CENPW: variants seen among roughly 807,000 people sequenced by gnomAD.
CENPW encodes the protein centromere protein W.
Under a neutral mutation model 11.1 loss-of-function variants are expected in CENPW, and 3 were observed. The observed-to-expected ratio is 0.27, with a 90% CI of 0.12 to 0.70. The LOEUF is 0.70. Ranked by LOEUF, CENPW falls within the 30% of genes least tolerant of loss-of-function variation. CENPW has a pLI of 0.77. For missense variants in CENPW, 100 were observed against 105.6 expected (o/e 0.95, Z 0.23); for synonymous variants, 38 against 42.0 (o/e 0.91, Z 0.37).
the CENPW span, among the ~76,000 whole-genome samples, chr6:126,385,225 CT>C: frequency 6.6e-6 from 1 of 152,106 alleles, no homozygotes; most frequent in Non-Finnish European, 1.5e-5. Context: ...AAAAACAGAA[CT>C]ACCATTCAAC....
the CENPW span, among the ~76,000 whole-genome samples, chr6:126,418,665 A>G: frequency 6.6e-6 from 1 of 152,114 alleles, no homozygotes. Flanking sequence ...AGATAAAGTT[A>G]TGGCAACTCC....
At chr6:126,434,332 T>C in the CENPW span, among the ~76,000 whole-genome samples, 8 of 152,086 alleles carry the variant, frequency 5.3e-5, no homozygotes, top group African/African-American at 1.9e-4. Flanking sequence ...CTTTCAGTCT[T>C]CTAAGGAAAC....
At chr6:126,404,699 C>T in the CENPW span, among the ~76,000 whole-genome samples, 22 of 151,986 alleles carry the variant, frequency 1.4e-4, no homozygotes, top group African/African-American at 4.8e-4. Flanking sequence ...TGATAATAGC[C>T]GTTATAACTG....
At chr6:126,398,464 A>T in the CENPW span, among the ~76,000 whole-genome samples, 1 of 152,168 alleles carries the variant, frequency 6.6e-6, no homozygotes, top group Admixed American at 6.6e-5. Flanking sequence ...AAATATAAGG[A>T]TGCACAAGTT....
chr6:126,474,301 G>C, the CENPW span, among the ~76,000 whole-genome samples: 1 of 151,658 alleles, frequency 6.6e-6, no homozygotes, highest in Non-Finnish European at 1.5e-5. Context: ...TTGTTTTTTT[G>C]TTTTGTTTTG....
the CENPW span, among the ~76,000 whole-genome samples, chr6:126,383,460 C>G: frequency 6.6e-6 from 1 of 152,106 alleles, no homozygotes; most frequent in Non-Finnish European, 1.5e-5. Context: ...AATGCCCCCA[C>G]TTGAAAGGCA....
chr6:126,398,214 CACTT>C, the CENPW span, among the ~76,000 whole-genome samples: 1 of 152,170 alleles, frequency 6.6e-6, no homozygotes, highest in Non-Finnish European at 1.5e-5. Flanking sequence ...TGCAGTTAAA[CACTT>C]ACTTGTATAA....
chr6:126,384,023 CAGA>C, the CENPW span, among the ~76,000 whole-genome samples: 1 of 152,078 alleles, frequency 6.6e-6, no homozygotes, highest in African/African-American at 2.4e-5. Flanking sequence ...TCAGCAAATG[CAGA>C]AGAACTGAGG....
At chr6:126,365,841 T>G in the CENPW span, among the ~76,000 whole-genome samples, 1 of 152,204 alleles carries the variant, frequency 6.6e-6, no homozygotes, top group South Asian at 2.1e-4. Context: ...GAAATGAACA[T>G]TTTTATGTTT....
At chr6:126,361,402 C>G in the CENPW span, among the ~76,000 whole-genome samples, 1 of 152,046 alleles carries the variant, frequency 6.6e-6, no homozygotes, top group Non-Finnish European at 1.5e-5. Flanking sequence ...TGGGTTGATG[C>G]TTTCTTCCTC....
the CENPW span, among the ~76,000 whole-genome samples, chr6:126,421,253 T>C: frequency 6.6e-6 from 1 of 152,130 alleles, no homozygotes; most frequent in Non-Finnish European, 1.5e-5. Context: ...TTTTAGTATA[T>C]AGCCTGCAGT....
chr6:126,347,825 AAAAG>A (rs1005240736), intron 2 of CENPW, among the ~76,000 whole-genome samples: 4 of 151,988 alleles, frequency 2.6e-5, no homozygotes, highest in African/African-American at 9.7e-5. Flanking sequence ...TTTTTTTAAA[AAAAG>A]AGATATTCTG....
chr6:126,463,794 T>C, the CENPW span, among the ~76,000 whole-genome samples: 11 of 152,200 alleles, frequency 7.2e-5, no homozygotes, highest in Admixed American at 3.3e-4. Context: ...CAAATTGATA[T>C]TGTATTTAAA....
the CENPW span, among the ~76,000 whole-genome samples, chr6:126,356,574 C>T: frequency 6.6e-6 from 1 of 152,136 alleles, no homozygotes; most frequent in Non-Finnish European, 1.5e-5. Flanking sequence ...TAAGCATTCC[C>T]TTTTCTTTGC....
the CENPW span, among the ~76,000 whole-genome samples, chr6:126,400,444 T>C: frequency 3.9e-5 from 6 of 152,054 alleles, no homozygotes; most frequent in East Asian, 1.2e-3. Flanking sequence ...ATTTTACACC[T>C]GGGATATCAG....
Position 126,340,284 on chromosome 6 carries a change from C to T in CENPW, c.11C>T (p.Ser4Leu). The T allele has an allele frequency of 6.2e-7, 1 of 1,613,566 alleles. No homozygotes were observed. Among genetic ancestry groups the T allele is most frequent in the Non-Finnish European group, 8.5e-7 (1 of 1,180,002 alleles). ...TACTTGACAGAGAGGATGGCGCTGT[C>T]GACCATAGTCTCCCAGAGGAAGCAG... The part of the protein sequence containing the change: MAL[S>L]TIVSQRKQIK... The change falls in exon 1 of 3, where the codon TCG becomes TTG. Residue 4 changes from serine (S) to leucine (L), a missense_variant. Physicochemically the swap from Ser to Leu is moderately radical, Grantham distance 145 (BLOSUM62 -2). Coordinates refer to ENST00000368328, the MANE Select transcript of CENPW (RefSeq NM_001012507.4).
chr6:126,407,847 A>C, the CENPW span, among the ~76,000 whole-genome samples: 4 of 152,140 alleles, frequency 2.6e-5, no homozygotes, highest in Non-Finnish European at 5.9e-5. Context: ...TGTCAGATGA[A>C]TAGATTGTAA....
chr6:126,447,794 C>A, the CENPW span, among the ~76,000 whole-genome samples: 1 of 151,194 alleles, frequency 6.6e-6, no homozygotes, highest in Non-Finnish European at 1.5e-5. Context: ...ATCTACCACT[C>A]CTGAACCAAG....
the CENPW span, among the ~76,000 whole-genome samples, chr6:126,374,445 T>C: frequency 3.3e-5 from 5 of 152,188 alleles, no homozygotes; most frequent in African/African-American, 1.2e-4. Context: ...TGACAGCTTG[T>C]TAATGCCAGA....
Sources: allele counts gnomAD v4.1 joint callset (sites outside exome capture counted in the v4.1 genomes callset), GRCh38; gene constraint gnomAD v4.1.1; transcripts MANE v1.5; gene names NCBI Gene and HGNC (gene_info 2026-07-23, HGNC 2026-07-21).